Variants in PLCB4 observed in about 807,000 individuals in gnomAD.
PLCB4 encodes the protein 1-phosphatidylinositol 4,5-bisphosphate phosphodiesterase beta-4.
PLCB4 carries 77 observed loss-of-function variants against 178.8 expected under a neutral mutation model. That is an observed-to-expected ratio of 0.43 (90% CI 0.36 to 0.52). The LOEUF (loss-of-function observed/expected upper bound fraction) is 0.52, where lower values mean the gene tolerates loss of function less well. Among genes scored for constraint, PLCB4 ranks in the 20% least tolerant of loss-of-function variants. The pLI is 0.00. For missense variants in PLCB4, 1,024 were observed against 1,453.4 expected (o/e 0.70, Z 4.80); for synonymous variants, 496 against 490.8 (o/e 1.01, Z -0.14).
intron 2 of PLCB4, among the ~76,000 whole-genome samples, chr20:9,153,670 A>C (rs892419151): frequency 3.9e-5 from 6 of 152,190 alleles, no homozygotes; most frequent in Non-Finnish European, 7.3e-5. Flanking sequence ...TGGATGTTTA[A>C]AGAGGAGCCA....
chr20:9,075,124 T>C (rs2089786109), intron 1 of PLCB4, among the ~76,000 whole-genome samples: 1 of 152,190 alleles, frequency 6.6e-6, no homozygotes, highest in African/African-American at 2.4e-5. Flanking sequence ...TTGGGGAAAC[T>C]GAGGTTAGGA....
intron 4 of PLCB4, among the ~76,000 whole-genome samples, chr20:9,329,340 T>A (rs2031270641): frequency 6.6e-6 from 1 of 152,186 alleles, no homozygotes; most frequent in Non-Finnish European, 1.5e-5. Context: ...TGACACTATC[T>A]GCCTAATAAT....
intron 2 of PLCB4, among the ~76,000 whole-genome samples, chr20:9,114,072 G>A (rs144817827): frequency 0.027 from 4,051 of 152,204 alleles, 175 homozygotes; most frequent in African/African-American, 0.091. Context: ...AAATTAGCTG[G>A]GTGTGGTGGT....
At chr20:9,109,640 A>G (rs922001423) in intron 2 of PLCB4, among the ~76,000 whole-genome samples, 1 of 152,182 alleles carries the variant, frequency 6.6e-6, no homozygotes, top group Non-Finnish European at 1.5e-5. Flanking sequence ...GTTTTCTGAT[A>G]TCAGTCAAAA....
chr20:9,132,469 G>C (rs745864362), intron 2 of PLCB4, among the ~76,000 whole-genome samples: 1 of 152,188 alleles, frequency 6.6e-6, no homozygotes, highest in Non-Finnish European at 1.5e-5. Flanking sequence ...GAAAAGAGCA[G>C]TGACTCCAAG....
At chr20:9,157,554 G>A (rs2092811956) in intron 2 of PLCB4, among the ~76,000 whole-genome samples, 1 of 152,122 alleles carries the variant, frequency 6.6e-6, no homozygotes, top group East Asian at 1.9e-4. Flanking sequence ...TAGTGCACTT[G>A]ATTTTCTCAT....
chr20:9,351,481 CAAT>C (rs984800373), intron 7 of PLCB4, among the ~76,000 whole-genome samples: 6 of 152,104 alleles, frequency 3.9e-5, no homozygotes, highest in Admixed American at 1.3e-4. Flanking sequence ...AGTATCAAAA[CAAT>C]GATGTAATCT....
chr20:9,127,414 C>G (rs962765474), intron 2 of PLCB4, among the ~76,000 whole-genome samples: 1 of 151,944 alleles, frequency 6.6e-6, no homozygotes, highest in East Asian at 1.9e-4. Flanking sequence ...TATGTATCTT[C>G]CAAGTTTTCA....
intron 1 of PLCB4, among the ~76,000 whole-genome samples, 197 bp downstream of exon 1, chr20:9,069,403 C>G (rs1278602125): frequency 6.6e-6 from 1 of 152,174 alleles, no homozygotes; most frequent in African/African-American, 2.4e-5. Flanking sequence ...CATCCCCCTT[C>G]CCCTGCAGTC....
At chr20:9,095,016 G>T (rs116920114) in intron 1 of PLCB4, among the ~76,000 whole-genome samples, 3,228 of 152,242 alleles carry the variant, frequency 0.021, 44 homozygotes, top group Non-Finnish European at 0.03. Context: ...GAGAGGAAAG[G>T]CCCCAGATGC....
intron 1 of PLCB4, among the ~76,000 whole-genome samples, chr20:9,078,502 C>T (rs2089988142): frequency 6.6e-6 from 1 of 151,778 alleles, no homozygotes; most frequent in Admixed American, 6.6e-5. Flanking sequence ...TTCTGGGTTA[C>T]AGGTGTGTGC....
intron 12 of PLCB4, among the ~76,000 whole-genome samples, chr20:9,375,338 G>A (rs1223605214): frequency 6.6e-6 from 1 of 151,996 alleles, no homozygotes; most frequent in African/African-American, 2.4e-5. Context: ...AGAAAGAATG[G>A]GCATTGGAAT....
intron 7 of PLCB4, among the ~76,000 whole-genome samples, chr20:9,345,907 G>C (rs1434020960): frequency 6.6e-6 from 1 of 152,090 alleles, no homozygotes; most frequent in African/African-American, 2.4e-5. Flanking sequence ...GAATTGTGTT[G>C]AGTGAAAGAC....
chr20:9,360,005 A>G (rs980153323), intron 7 of PLCB4, among the ~76,000 whole-genome samples: 3 of 152,204 alleles, frequency 2.0e-5, no homozygotes, highest in Non-Finnish European at 4.4e-5. Flanking sequence ...TACCTGAACG[A>G]TAATAGAAGG....
chr20:9,294,596 T>TG (rs2094612722), intron 3 of PLCB4, among the ~76,000 whole-genome samples: 1 of 152,180 alleles, frequency 6.6e-6, no homozygotes, highest in Non-Finnish European at 1.5e-5. Flanking sequence ...CTTCTTTTCC[T>TG]GGTAAATTGG....
In PLCB4 at chr20:9,322,879, A is replaced by G. The variant is rs184320237; in HGVS notation, c.85-14247A>G. On this transcript the variant is annotated intron_variant, in intron 4 of 39. Coordinates refer to ENST00000378473, the MANE Select transcript of PLCB4 (RefSeq NM_001377142.1). Reference sequence around the variant, plus strand: ...GGTTCAGTTTTGGCTTTGCTACTCAAGAGATGTGACCATGAGTCAGTCTTA... The same window carrying G: ...GGTTCAGTTTTGGCTTTGCTACTCAGGAGATGTGACCATGAGTCAGTCTTA... Among the ~76,000 whole-genome samples, 25 of 152,332 alleles carry G rather than the reference A, an allele frequency of 1.6e-4. 1 individual carries two copies. The East Asian group carries it at 4.8e-3, about 29-fold the overall frequency.
chr20:9,275,137 G>A (rs2067782279), intron 3 of PLCB4, among the ~76,000 whole-genome samples: 4 of 151,866 alleles, frequency 2.6e-5, no homozygotes, highest in Non-Finnish European at 4.4e-5. Flanking sequence ...AAGAAAAGGA[G>A]GTTTAATTTG....
chr20:9,382,827 G>A (rs539522392), intron 13 of PLCB4, among the ~76,000 whole-genome samples: 2 of 152,242 alleles, frequency 1.3e-5, no homozygotes, highest in East Asian at 3.9e-4. Flanking sequence ...TGAAGGCAGG[G>A]CTTACCTGTT....
intron 28 of PLCB4, among the ~76,000 whole-genome samples, chr20:9,427,614 G>A (rs942996128): frequency 1.5e-4 from 23 of 152,194 alleles, no homozygotes; most frequent in African/African-American, 4.1e-4. Flanking sequence ...CAACGCCACC[G>A]TAGATGGCAT....
Sources: gnomAD v4.1 joint callset for allele counts (sites outside exome capture counted in the v4.1 genomes callset) on GRCh38, gnomAD v4.1.1 for gene constraint, MANE v1.5 for transcripts, NCBI Gene and HGNC (gene_info 2026-07-23, HGNC 2026-07-21) for gene names.